Variants in RBM6 observed in about 807,000 individuals in gnomAD.
RBM6 encodes RNA-binding protein 6.
Under a neutral mutation model 140.4 loss-of-function variants are expected in RBM6, and 23 were observed. That is an observed-to-expected ratio of 0.16 (90% CI 0.12 to 0.23). RBM6 has a LOEUF of 0.23. Ranked by LOEUF, RBM6 falls within the 10% of genes least tolerant of loss-of-function variation. RBM6 has a pLI of 1.00. For missense variants in RBM6, 1,139 were observed against 1,386.7 expected (o/e 0.82, Z 2.84); for synonymous variants, 439 against 475.6 (o/e 0.92, Z 1.00).
At chr3:49,946,363 C>T (rs957964569) in intron 1 of RBM6, among the ~76,000 whole-genome samples, 3 of 151,942 alleles carry the variant, frequency 2.0e-5, no homozygotes. Context: ...GCCTCAGCCT[C>T]CCGAGTAACT....
intron 1 of RBM6, among the ~76,000 whole-genome samples, chr3:49,953,222 A>ATTT: frequency 7.0e-6 from 1 of 141,994 alleles, no homozygotes. Flanking sequence ...CACCTTGCTA[A>ATTT]TTTTTTTTTT....
At chr3:50,014,074 C>T (rs1002347584) in intron 6 of RBM6, among the ~76,000 whole-genome samples, 8 of 152,164 alleles carry the variant, frequency 5.3e-5, no homozygotes, top group Non-Finnish European at 1.2e-4. Context: ...TGTAAGGAGA[C>T]AAGAGTTGTG....
chr3:49,959,931 A>G (rs1253406037), intron 1 of RBM6, among the ~76,000 whole-genome samples: 1 of 152,098 alleles, frequency 6.6e-6, no homozygotes, highest in East Asian at 1.9e-4. Context: ...AAATTTCACC[A>G]TATACATGTT....
chr3:49,954,786 T>C (rs2083898121), intron 1 of RBM6, among the ~76,000 whole-genome samples: 1 of 150,590 alleles, frequency 6.6e-6, no homozygotes, highest in Non-Finnish European at 1.5e-5. Context: ...TGAAATGGAG[T>C]CTTACTCTGT....
chr3:50,012,418 C>T (rs911350563), intron 6 of RBM6, among the ~76,000 whole-genome samples: 59 of 151,378 alleles, frequency 3.9e-4, no homozygotes, highest in African/African-American at 1.3e-3. Flanking sequence ...AGTGCAGTGG[C>T]GTGATCTCAG....
At chr3:50,055,356 G>A (rs769747378) in intron 8 of RBM6, among the ~76,000 whole-genome samples, 1 of 152,144 alleles carries the variant, frequency 6.6e-6, no homozygotes, top group East Asian at 1.9e-4. Context: ...CTTGAACCCA[G>A]GAGTCAGAGG....
rs2108762232 is a variant in RBM6, at chr3:50,009,219, C to G, written c.1557+9706C>G. Among the ~76,000 whole-genome samples, 3 of 152,294 alleles carry G rather than the reference C, an allele frequency of 2.0e-5. No individual in the cohort carries two copies. The Middle Eastern group carries it at 0.01, about 518-fold the overall frequency. ...GCAAGAGAGTTGGGCTAACACCTGT[C>G]ATGAAGTGTCTAAGGAATGAGTGCA... On this transcript the variant is annotated intron_variant, in intron 6 of 20. Transcript: ENST00000266022.
At chr3:49,964,462 A>G (rs968361900) in intron 2 of RBM6, among the ~76,000 whole-genome samples, 1 of 152,228 alleles carries the variant, frequency 6.6e-6, no homozygotes, top group Non-Finnish European at 1.5e-5. Flanking sequence ...AGCAAACTAC[A>G]GCTGATAGCC....
At chr3:50,068,572 G>C in intron 17 of RBM6, 118 bp from the exon 18 acceptor site, 1 of 824,340 alleles carries the variant, frequency 1.2e-6, no homozygotes, top group Admixed American at 2.5e-5. Flanking sequence ...TGATCATTTA[G>C]TAGATCTGAT....
At chr3:49,951,539 C>G (rs1000879911) in intron 1 of RBM6, among the ~76,000 whole-genome samples, 14 of 151,134 alleles carry the variant, frequency 9.3e-5, no homozygotes, top group African/African-American at 3.4e-4. Context: ...CTGGCCTTTA[C>G]TATATTTTAT....
At chr3:49,948,255 C>T (rs370115126) in intron 1 of RBM6, among the ~76,000 whole-genome samples, 62 of 152,238 alleles carry the variant, frequency 4.1e-4, no homozygotes, top group Admixed American at 4.6e-4. Flanking sequence ...AGGCCAGGCA[C>T]GGTGGCTCAC....
At chr3:49,954,429 G>A (rs1349782346) in intron 1 of RBM6, among the ~76,000 whole-genome samples, 1 of 141,478 alleles carries the variant, frequency 7.1e-6, no homozygotes, top group Non-Finnish European at 1.5e-5. Flanking sequence ...GACAGAGCGA[G>A]ACTCCATCTC....
Position 50,070,095 on chromosome 3 carries a change from A to G in RBM6, c.3019-360A>G, listed in dbSNP as rs180787125. ...AACAAGGCCGGGTGCGGTGGCTCAC[A>G]CCTGTAATCCCAGCACTTTGGGAGG... On this transcript the variant is annotated intron_variant, in intron 18 of 20. Transcript: ENST00000266022. 3.5e-3 allele frequency among the ~76,000 whole-genome samples: 539 copies of G among 152,226 alleles called. 4 individuals are homozygous for G. The highest frequency in any genetic ancestry group is 0.012 in the African/African-American group (496 of 41,548).
rs753873899 is a variant in RBM6, at chr3:49,968,583, A to C, written c.1158A>C (p.Lys386Asn). 6.2e-6 allele frequency: 10 copies of C among 1,614,060 alleles called. No homozygotes were observed. Among genetic ancestry groups the C allele is most frequent in the Non-Finnish European group, 7.6e-6 (9 of 1,180,044 alleles). The change falls in exon 3 of 21, where the codon AAA becomes AAC. Residue 386 changes from lysine to asparagine, a missense_variant. By Grantham distance (94) the Lys-to-Asn change is moderately conservative. This residue lies in a region of RBM6 where 566 missense variants were observed against 612.7 expected (regional missense o/e 0.92). Coordinates refer to ENST00000266022, the MANE Select transcript of RBM6 (RefSeq NM_005777.3). Reference sequence around the variant, plus strand: ...AGAGTTCAGATGCTGGTCTGTTTAAAGAAGAAGGCGGTCTGGACTTTCTTG... The same window carrying C: ...AGAGTTCAGATGCTGGTCTGTTTAACGAAGAAGGCGGTCTGGACTTTCTTG... ...EEQSSDAGLF[K>N]EEGGLDFLGR...
At chr3:50,060,816 C>T (rs555782734) in intron 11 of RBM6, 140 bp from the exon 12 acceptor site, 6 of 677,272 alleles carry the variant, frequency 8.9e-6, no homozygotes, top group Non-Finnish European at 1.1e-5. Context: ...TCTGGACCAC[C>T]CAACCTGCTT....
Position 50,030,490 on chromosome 3 carries a change from T to C in RBM6, c.1558-17755T>C, listed in dbSNP as rs187364313. Among the ~76,000 whole-genome samples the C allele has an allele frequency of 4.6e-4, 70 of 152,254 alleles. 1 individual carries two copies. In the East Asian group the frequency reaches 0.012, roughly 26 times the overall value. On this transcript the variant is annotated intron_variant, in intron 6 of 20. Coordinates refer to ENST00000266022, the MANE Select transcript of RBM6 (RefSeq NM_005777.3). ...TACCTTTTGTTCCACTACCTACTTT[T>C]TTCCTACAACTTTCTGTTTATTTTA...
rs1015915472 is a variant in RBM6 at position 49,969,862 on chromosome 3, G to C, written c.1323+1114G>C. On this transcript the variant is annotated intron_variant, in intron 3 of 20. Transcript: ENST00000266022. ...CAGCTCACTGCAACCTCTACCTCCT[G>C]GGTTCAAGGGGTTCCCCCGCCTCAG... Among the ~76,000 whole-genome samples, 3 of 152,028 alleles carry C rather than the reference G, an allele frequency of 2.0e-5. No homozygotes were observed. In the South Asian group the frequency reaches 6.2e-4, roughly 32 times the overall value.
At position 50,057,837 on chromosome 3, in the gene RBM6, A is replaced by G; in HGVS notation, c.1803A>G (p.Glu601=). The G allele has an allele frequency of 6.2e-7, 1 of 1,614,026 alleles. No homozygotes were observed. The highest frequency in any genetic ancestry group is 8.5e-7 in the Non-Finnish European group (1 of 1,180,016). The stretch of plus-strand genomic sequence containing the variant: ...AGCCCCTAAGACCAGCTGATAAGGA[A>G]CCTGAACCCAGGAAGAGGGAAGAAG... The part of the protein sequence containing the change: ...PNQPLRPADK[E]PEPRKREEGQ... The change falls in exon 9 of 21, where the codon GAA becomes GAG. Residue 601 remains glutamate, a synonymous_variant. Transcript: ENST00000266022.
At chr3:50,006,886 C>T (rs960817425) in intron 6 of RBM6, among the ~76,000 whole-genome samples, 15 of 148,108 alleles carry the variant, frequency 1.0e-4, no homozygotes, top group Non-Finnish European at 2.1e-4. Flanking sequence ...GAGCCGAGAT[C>T]GCACCACTGC....
Sources: allele counts gnomAD v4.1 joint callset (sites outside exome capture counted in the v4.1 genomes callset), GRCh38; gene constraint gnomAD v4.1.1; regional missense constraint gnomAD v4.1.1; transcripts MANE v1.5; gene names NCBI Gene and HGNC (gene_info 2026-07-23, HGNC 2026-07-21).